Variants in PTPRG observed in about 807,000 individuals in gnomAD.
PTPRG encodes receptor-type tyrosine-protein phosphatase gamma.
Under a neutral mutation model 165.3 loss-of-function variants are expected in PTPRG, and 102 were observed. The observed-to-expected ratio is 0.62, with a 90% CI of 0.53 to 0.73. The LOEUF (loss-of-function observed/expected upper bound fraction) is 0.73, where lower values mean the gene tolerates loss of function less well. Among genes scored for constraint, PTPRG ranks in the 30% least tolerant of loss-of-function variants. The pLI is 0.00. For missense variants in PTPRG, 1,866 were observed against 1,861.4 expected (o/e 1.00, Z -0.05); for synonymous variants, 675 against 669.5 (o/e 1.01, Z -0.13).
chr3:61,630,031 G>A (rs953151137), intron 1 of PTPRG, among the ~76,000 whole-genome samples: 7 of 152,186 alleles, frequency 4.6e-5, no homozygotes, highest in Non-Finnish European at 8.8e-5. Context: ...CTCAAATTTT[G>A]GTAATGTGCC....
chr3:61,666,621 T>C (rs183279134), intron 1 of PTPRG, among the ~76,000 whole-genome samples: 17 of 152,278 alleles, frequency 1.1e-4, no homozygotes, highest in African/African-American at 2.4e-4. Context: ...CTGTCGCTGG[T>C]TTTCTCAAAA....
At chr3:62,046,596 A>G (rs980182641) in intron 4 of PTPRG, among the ~76,000 whole-genome samples, 12 of 152,080 alleles carry the variant, frequency 7.9e-5, no homozygotes, top group African/African-American at 2.7e-4. Context: ...CCTTCATTTT[A>G]TTTCAAAGTC....
chr3:62,274,846 T>C (rs1478120235), intron 23 of PTPRG, among the ~76,000 whole-genome samples: 2 of 152,190 alleles, frequency 1.3e-5, no homozygotes, highest in Non-Finnish European at 2.9e-5. Flanking sequence ...ATGTTTAACA[T>C]GAGTTCTTAC....
chr3:62,251,729 G>A (rs1003278366), intron 15 of PTPRG, among the ~76,000 whole-genome samples: 1 of 152,146 alleles, frequency 6.6e-6, no homozygotes, highest in African/African-American at 2.4e-5. Flanking sequence ...GTTATTCCTT[G>A]AAATTATAGT....
intron 2 of PTPRG, among the ~76,000 whole-genome samples, chr3:61,966,656 A>T (rs2040278809): frequency 6.6e-6 from 1 of 151,954 alleles, no homozygotes; most frequent in African/African-American, 2.4e-5. Flanking sequence ...CTTATTCAAG[A>T]ATGATTTGCT....
intron 1 of PTPRG, among the ~76,000 whole-genome samples, chr3:61,586,800 T>C (rs1331237295): frequency 6.6e-6 from 1 of 152,234 alleles, no homozygotes; most frequent in Non-Finnish European, 1.5e-5. Context: ...GATTTGGAAA[T>C]GCTAGAGCAT....
At chr3:61,676,434 G>A (rs1200608395) in intron 1 of PTPRG, among the ~76,000 whole-genome samples, 2 of 52,876 alleles carry the variant, frequency 3.8e-5, no homozygotes, top group African/African-American at 1.2e-4. Flanking sequence ...TCCAGCCTGG[G>A]CGACAGAGCC....
chr3:61,617,744 T>C (rs531384497), intron 1 of PTPRG, among the ~76,000 whole-genome samples: 2 of 152,108 alleles, frequency 1.3e-5, no homozygotes, highest in African/African-American at 4.8e-5. Flanking sequence ...CCTCACACAG[T>C]GGATAGATAC....
At chr3:61,643,906 C>T (rs1702131323) in intron 1 of PTPRG, among the ~76,000 whole-genome samples, 2 of 152,182 alleles carry the variant, frequency 1.3e-5, no homozygotes, top group African/African-American at 2.4e-5. Context: ...ATACCCTTTT[C>T]ATTCTGAGTT....
At chr3:62,208,088 C>T (rs1048841973) in intron 12 of PTPRG, among the ~76,000 whole-genome samples, 3 of 152,166 alleles carry the variant, frequency 2.0e-5, no homozygotes, top group African/African-American at 7.2e-5. Flanking sequence ...AGGTAGGAAC[C>T]GCGGGTGGTC....
At chr3:61,621,048 T>TGTGG in intron 1 of PTPRG, among the ~76,000 whole-genome samples, 1 of 109,832 alleles carries the variant, frequency 9.1e-6, no homozygotes, top group African/African-American at 4.3e-5. Context: ...TATATATATA[T>TGTGG]ATATGTGTGT....
At chr3:61,805,288 A>G (rs1231594972) in intron 2 of PTPRG, among the ~76,000 whole-genome samples, 1 of 152,138 alleles carries the variant, frequency 6.6e-6, no homozygotes, top group Non-Finnish European at 1.5e-5. Context: ...ACATTCTACA[A>G]TGCACTGGAC....
chr3:61,682,699 G>T (rs1703492553), intron 1 of PTPRG, among the ~76,000 whole-genome samples: 2 of 152,160 alleles, frequency 1.3e-5, no homozygotes, highest in Admixed American at 1.3e-4. Context: ...AGCTTTCAGT[G>T]ACCCTGCTGT....
intron 5 of PTPRG, among the ~76,000 whole-genome samples, chr3:62,102,397 C>T (rs1576005165): frequency 6.6e-6 from 1 of 152,180 alleles, no homozygotes. Context: ...GCCTCAGCCT[C>T]CCGAGTAGCG....
intron 8 of PTPRG, among the ~76,000 whole-genome samples, chr3:62,179,680 T>C (rs1014225810): frequency 1.3e-5 from 2 of 152,188 alleles, no homozygotes; most frequent in Non-Finnish European, 2.9e-5. Flanking sequence ...TTGGGCCCAC[T>C]CTCGGGCAGT....
chr3:61,915,089 C>T (rs1260499158), intron 2 of PTPRG, among the ~76,000 whole-genome samples: 3 of 152,070 alleles, frequency 2.0e-5, no homozygotes, highest in East Asian at 1.9e-4. Context: ...ATTAGCCGGG[C>T]GTGGTGGTGC....
intron 4 of PTPRG, among the ~76,000 whole-genome samples, chr3:62,014,383 A>G (rs76885267): frequency 0.035 from 5,352 of 152,272 alleles, 103 homozygotes; most frequent in South Asian, 0.063. Flanking sequence ...ATCTTATTTA[A>G]AAATATAAAT....
At chr3:62,112,668 G>T (rs964156407) in intron 5 of PTPRG, among the ~76,000 whole-genome samples, 1 of 152,218 alleles carries the variant, frequency 6.6e-6, no homozygotes, top group Middle Eastern at 3.2e-3. Flanking sequence ...GGCATTAGAG[G>T]CAGGGACTGC....
chr3:62,094,133 A>G (rs1271501029), intron 5 of PTPRG, among the ~76,000 whole-genome samples: 1 of 152,198 alleles, frequency 6.6e-6, no homozygotes, highest in African/African-American at 2.4e-5. Context: ...TGATTTGCCC[A>G]GGGCCACTCA....
Sources: gnomAD v4.1 joint callset for allele counts (sites outside exome capture counted in the v4.1 genomes callset) on GRCh38, gnomAD v4.1.1 for gene constraint, MANE v1.5 for transcripts, NCBI Gene and HGNC (gene_info 2026-07-23, HGNC 2026-07-21) for gene names.